Variants in DST observed in about 807,000 individuals in gnomAD.
DST encodes bullous pemphigoid antigen.
DST carries 253 observed loss-of-function variants against 875.2 expected under a neutral mutation model. That is an observed-to-expected ratio of 0.29 (90% confidence interval 0.26 to 0.32). The LOEUF is 0.32. Among genes scored for constraint, DST ranks in the 10% least tolerant of loss-of-function variants. DST has a pLI of 1.00. For missense variants in DST, 8,287 were observed against 9,111.6 expected, an observed-to-expected ratio of 0.91 and a Z score of 3.68; for synonymous variants, 3,124 against 3,197.1, an observed-to-expected ratio of 0.98 and a Z score of 0.77.
At chr6:56,824,270 C>G (rs1019910528) in intron 4 of DST, among the ~76,000 whole-genome samples, 1 of 152,228 alleles carries the variant, frequency 6.6e-6, no homozygotes, top group Non-Finnish European at 1.5e-5. Context: ...CTCGGCCTCT[C>G]GAGGTGCCGG....
intron 3 of DST, among the ~76,000 whole-genome samples, chr6:56,858,371 A>C (rs1159477409): frequency 6.6e-6 from 1 of 152,204 alleles, no homozygotes; most frequent in Non-Finnish European, 1.5e-5. Flanking sequence ...GGGTGTAATG[A>C]TTGTACACTG....
rs368591602 is a variant in DST at position 56,953,766 on chromosome 6, T to G, written c.216+19A>C. 1.2e-4 allele frequency: 159 copies of G among 1,311,668 alleles called. No individual in the cohort carries two copies. Among genetic ancestry groups the G allele is most frequent in the Non-Finnish European group, 1.5e-4 (147 of 992,058 alleles). 81.3% of individuals were successfully genotyped at this position (1,311,668 alleles called of 1,614,324 possible). ...AGAGAACTTCTTCTGACCTTGAGCG[T>G]GCGCGCTAAATAAATTACCTCAGAA... On this transcript the variant is annotated intron_variant, in intron 2 of 103. Transcript: ENST00000680361.
intron 4 of DST, among the ~76,000 whole-genome samples, chr6:56,826,895 A>T (rs565194304): frequency 6.6e-6 from 1 of 152,214 alleles, no homozygotes; most frequent in Non-Finnish European, 1.5e-5. Flanking sequence ...AACAAGTCAC[A>T]TTCTCAAAAG....
chr6:56,845,183 A>G (rs6918949), intron 4 of DST, among the ~76,000 whole-genome samples: 25,853 of 152,210 alleles, frequency 0.17, 2,440 homozygotes, highest in African/African-American at 0.2. Context: ...GATTGTTGAC[A>G]GTCTGACCTA....
At position 56,683,585 on chromosome 6, in the gene DST, AG is replaced by A. The variant is rs368170960; in HGVS notation, c.1048-12779del. Among the ~76,000 whole-genome samples the A allele has an allele frequency of 4.5e-4, 68 of 152,314 alleles. 1 individual carries two copies. In the East Asian group the frequency reaches 5.8e-3, roughly 13 times the overall value. On this transcript the variant is annotated intron_variant, in intron 9 of 103. Transcript: ENST00000680361. ...TGCTCAACGTGACATGGCACGTATC[AG>A]GTGCTCAATAACTCTCTACTGAATA...
intron 2 of DST, among the ~76,000 whole-genome samples, chr6:56,917,608 T>C (rs1455562064): frequency 6.6e-6 from 1 of 152,224 alleles, no homozygotes; most frequent in African/African-American, 2.4e-5. Context: ...CTTGCAGTTA[T>C]TTAGGCAAGA....
chr6:56,695,195 TTCTCTC>T (rs1349015406), intron 9 of DST, among the ~76,000 whole-genome samples: 2 of 149,224 alleles, frequency 1.3e-5, no homozygotes, highest in African/African-American at 4.9e-5. Context: ...CTCCTCCTCC[TTCTCTC>T]TCTCTCTTAC....
intron 5 of DST, among the ~76,000 whole-genome samples, chr6:56,715,077 A>C (rs936508606): frequency 4.6e-5 from 7 of 152,216 alleles, no homozygotes; most frequent in African/African-American, 1.7e-4. Flanking sequence ...CTTTTGTTGA[A>C]TAAACAAAAG....
intron 4 of DST, among the ~76,000 whole-genome samples, chr6:56,838,535 C>T (rs2099796323): frequency 6.6e-6 from 1 of 151,544 alleles, no homozygotes; most frequent in South Asian, 2.1e-4. Context: ...CCAAATTGTT[C>T]AAATACAAAA....
intron 4 of DST, among the ~76,000 whole-genome samples, chr6:56,784,700 C>T (rs78396273): frequency 6.6e-6 from 1 of 152,156 alleles, no homozygotes. Context: ...GTAGTTTGAT[C>T]GTCTGAAGCC....
intron 2 of DST, among the ~76,000 whole-genome samples, chr6:56,946,463 G>C (rs1287496117): frequency 2.0e-5 from 3 of 152,188 alleles, no homozygotes; most frequent in African/African-American, 7.2e-5. Flanking sequence ...GTTTTGTGCT[G>C]TTGCTGTTAT....
intron 4 of DST, among the ~76,000 whole-genome samples, chr6:56,821,219 G>A (rs1272397148): frequency 6.6e-6 from 1 of 152,134 alleles, no homozygotes; most frequent in Non-Finnish European, 1.5e-5. Flanking sequence ...TAATGGTCAG[G>A]TACTCCAATT....
chr6:56,469,451 A>C (rs1319283179), intron 97 of DST, among the ~76,000 whole-genome samples: 2 of 152,046 alleles, frequency 1.3e-5, no homozygotes, highest in African/African-American at 2.4e-5. Flanking sequence ...AAAAGCAAAA[A>C]TTACTGCACA....
Position 56,553,478 on chromosome 6 carries a change from T to G in DST, c.15314A>C (p.Lys5105Thr). The part of the protein sequence containing the change: ...SLIKDHKDFS[K>T]TLTAQSHMYE... Reference sequence around the variant, plus strand: ...CATATGAGACTGAGCGGTCAAAGTTTTACTAAAGTCTTTATGATCTTTAAT... The same window carrying G: ...CATATGAGACTGAGCGGTCAAAGTTGTACTAAAGTCTTTATGATCTTTAAT... Residue 5105 changes from lysine to threonine, a missense_variant, in exon 61 of 104, where the codon AAA becomes ACA. By Grantham distance (78) the Lys-to-Thr change is moderately conservative. This residue lies in a region of DST where 1,513 missense variants were observed against 1,677.8 expected (regional missense o/e 0.90). Transcript: ENST00000680361. 1 of 1,613,388 alleles carries G rather than the reference T, an allele frequency of 6.2e-7. No homozygotes were observed. Among genetic ancestry groups the G allele is most frequent in the Non-Finnish European group, 8.5e-7 (1 of 1,179,748 alleles).
At chr6:56,469,212 A>G (rs2094751413) in intron 97 of DST, among the ~76,000 whole-genome samples, 1 of 152,164 alleles carries the variant, frequency 6.6e-6, no homozygotes, top group African/African-American at 2.4e-5. Context: ...TTTCAAATTT[A>G]AGTTAAAATT....
intron 4 of DST, among the ~76,000 whole-genome samples, chr6:56,778,476 G>A (rs1275514225): frequency 6.7e-6 from 1 of 149,528 alleles, no homozygotes; most frequent in Non-Finnish European, 1.5e-5. Flanking sequence ...TTGGTATGCT[G>A]CACCCAGTAA....
intron 2 of DST, among the ~76,000 whole-genome samples, chr6:56,933,425 T>C (rs1046514844): frequency 6.6e-6 from 1 of 152,194 alleles, no homozygotes; most frequent in African/African-American, 2.4e-5. Flanking sequence ...GCTGCACTAT[T>C]CTCCTTGCTT....
In DST at chr6:56,640,192, A is replaced by G. The variant is rs1235014338; in HGVS notation, c.2441T>C (p.Ile814Thr). The G allele has an allele frequency of 6.2e-7, 1 of 1,614,150 alleles. No homozygotes were observed. Among genetic ancestry groups the G allele is most frequent in the Non-Finnish European group, 8.5e-7 (1 of 1,180,020 alleles). The change falls in exon 18 of 104, where the codon ATC (isoleucine) becomes ACC (threonine). Residue 814 changes from isoleucine to threonine, a missense_variant. Transcript: ENST00000680361. ...AAGATCCTGAACAAATTTCATATTG[A>G]TTTCTTCTTCTGTTAAATTTTGATC... The part of the protein sequence containing the change: ...LLDQNLTEEE[I>T]NMKFVQDLLN...
chr6:56,620,631 T>C (rs2098681826), intron 36 of DST: 1 of 1,614,182 alleles, frequency 6.2e-7, no homozygotes. Flanking sequence ...CCTGTAAGTT[T>C]GCTATTCTCA....
Sources: allele counts gnomAD v4.1 joint callset (sites outside exome capture counted in the v4.1 genomes callset), GRCh38; gene constraint gnomAD v4.1.1; regional missense constraint gnomAD v4.1.1; transcripts MANE v1.5; gene names NCBI Gene and HGNC (gene_info 2026-07-23, HGNC 2026-07-21).